Variants in ZBTB20 observed in about 807,000 individuals in gnomAD.
The protein encoded by ZBTB20 is zinc finger and BTB domain containing 20, also known as zinc finger and BTB domain-containing protein 20.
A neutral mutation model predicts 56.9 loss-of-function variants in ZBTB20; 9 were observed. The observed-to-expected ratio is 0.16, with a 90% CI of 0.10 to 0.28. The LOEUF is 0.28. ZBTB20 is among the 10% of genes least tolerant of loss of function. The pLI is 1.00. For missense variants in ZBTB20, 655 were observed against 1,003.0 expected (o/e 0.65, Z 4.69); for synonymous variants, 417 against 420.7 (o/e 0.99, Z 0.11).
intron 5 of ZBTB20, among the ~76,000 whole-genome samples, chr3:114,794,779 A>T (rs1210686600): frequency 6.6e-6 from 1 of 152,160 alleles, no homozygotes; most frequent in Non-Finnish European, 1.5e-5. Flanking sequence ...TACTTAAAAA[A>T]AGCCTGGATT....
chr3:114,669,817 A>G (rs2061265234), intron 6 of ZBTB20, among the ~76,000 whole-genome samples: 1 of 152,008 alleles, frequency 6.6e-6, no homozygotes. Context: ...TTGCAGAACC[A>G]TTTCTGTATG....
intron 5 of ZBTB20, among the ~76,000 whole-genome samples, chr3:114,752,215 C>T (rs1339251009): frequency 6.7e-6 from 1 of 149,380 alleles, no homozygotes; most frequent in African/African-American, 2.5e-5. Flanking sequence ...AAAAGAGGTA[C>T]AAGTCAGGAT....
intron 7 of ZBTB20, among the ~76,000 whole-genome samples, chr3:114,446,779 T>C (rs2109000590): frequency 6.6e-6 from 1 of 152,298 alleles, no homozygotes; most frequent in Non-Finnish European, 1.5e-5. Flanking sequence ...TCTATTTTCC[T>C]GGACTGTATC....
At chr3:114,593,454 G>A (rs1165229044) in intron 6 of ZBTB20, among the ~76,000 whole-genome samples, 3 of 148,266 alleles carry the variant, frequency 2.0e-5, no homozygotes, top group Non-Finnish European at 3.0e-5. Flanking sequence ...GCGTGATCTC[G>A]GCTCACCGCA....
At chr3:114,596,815 C>T (rs2056351430) in intron 6 of ZBTB20, among the ~76,000 whole-genome samples, 1 of 152,150 alleles carries the variant, frequency 6.6e-6, no homozygotes, top group Non-Finnish European at 1.5e-5. Flanking sequence ...AAGCATGTGG[C>T]ATCTCATCTC....
At chr3:114,451,824 CCTCT>C (rs1327899533) in intron 7 of ZBTB20, among the ~76,000 whole-genome samples, 1 of 152,140 alleles carries the variant, frequency 6.6e-6, no homozygotes, top group Non-Finnish European at 1.5e-5. Flanking sequence ...CTTTCCTCCT[CCTCT>C]ATTTTTTTTC....
At position 114,358,252 on chromosome 3, in the gene ZBTB20, T is replaced by C. The variant is rs528749667; in HGVS notation, c.200-6374A>G. Among the ~76,000 whole-genome samples, 6 of 152,312 alleles carry C rather than the reference T, an allele frequency of 3.9e-5. No homozygotes were observed. In the South Asian group the frequency reaches 1.2e-3, roughly 32 times the overall value. Reference sequence around the variant, plus strand: ...ACTGCCTTTCTTTCTATTTTCCTCCTTCCCTTTCTTCCTTTTTGCTGTCAT... The same window carrying C: ...ACTGCCTTTCTTTCTATTTTCCTCCCTCCCTTTCTTCCTTTTTGCTGTCAT... On this transcript the variant is annotated intron_variant, in intron 10 of 11. Transcript: ENST00000675478.
At chr3:115,091,014 C>A (rs1221374090) in intron 1 of ZBTB20, among the ~76,000 whole-genome samples, 2 of 151,798 alleles carry the variant, frequency 1.3e-5, no homozygotes, top group Admixed American at 6.6e-5. Flanking sequence ...CCTCTACCAA[C>A]CTGTGGGTTC....
At chr3:114,837,525 G>A (rs562808136) in intron 4 of ZBTB20, among the ~76,000 whole-genome samples, 3 of 152,192 alleles carry the variant, frequency 2.0e-5, no homozygotes, top group South Asian at 2.1e-4. Flanking sequence ...CTGAATTCTC[G>A]ACTGAAGAGG....
intron 7 of ZBTB20, among the ~76,000 whole-genome samples, chr3:114,468,748 C>T (rs1172399813): frequency 6.6e-6 from 1 of 151,986 alleles, no homozygotes; most frequent in Non-Finnish European, 1.5e-5. Context: ...ATTTTGGAAA[C>T]TTTAACAGGT....
intron 11 of ZBTB20, among the ~76,000 whole-genome samples, chr3:114,342,807 G>C (rs969627547): frequency 6.6e-6 from 1 of 152,274 alleles, no homozygotes; most frequent in South Asian, 2.1e-4. Context: ...CAGATAATCA[G>C]TAAAACAAGT....
intron 7 of ZBTB20, among the ~76,000 whole-genome samples, chr3:114,415,670 C>G (rs1271490264): frequency 6.6e-6 from 1 of 152,074 alleles, no homozygotes; most frequent in Non-Finnish European, 1.5e-5. Context: ...GAGAAAAACT[C>G]TATTTCATAG....
chr3:115,010,007 G>A (rs1261699591), intron 2 of ZBTB20, among the ~76,000 whole-genome samples: 1 of 151,926 alleles, frequency 6.6e-6, no homozygotes, highest in Non-Finnish European at 1.5e-5. Flanking sequence ...ATTCGAAAAG[G>A]TAATTAGCTT....
chr3:114,546,764 G>C (rs1317837470), intron 6 of ZBTB20, among the ~76,000 whole-genome samples: 1 of 151,948 alleles, frequency 6.6e-6, no homozygotes, highest in Non-Finnish European at 1.5e-5. Context: ...ACCTATACAG[G>C]CAAAACTGCA....
At chr3:114,922,910 C>A (rs1180761318) in intron 3 of ZBTB20, among the ~76,000 whole-genome samples, 1 of 152,188 alleles carries the variant, frequency 6.6e-6, no homozygotes, top group African/African-American at 2.4e-5. Flanking sequence ...TGATAGCTAA[C>A]ATTGGGATCA....
At chr3:114,355,787 T>C (rs2081187576) in intron 10 of ZBTB20, among the ~76,000 whole-genome samples, 1 of 151,912 alleles carries the variant, frequency 6.6e-6, no homozygotes, top group Non-Finnish European at 1.5e-5. Flanking sequence ...ATGCTAACTC[T>C]ATTCTTTCTT....
intron 2 of ZBTB20, among the ~76,000 whole-genome samples, chr3:115,021,224 C>T (rs750795842): frequency 8.6e-5 from 13 of 150,818 alleles, no homozygotes; most frequent in Non-Finnish European, 1.6e-4. Context: ...TGCATGAATA[C>T]AAAGAACTTT....
chr3:114,675,111 AATTTT>A (rs1482458460), intron 6 of ZBTB20, among the ~76,000 whole-genome samples: 1 of 149,470 alleles, frequency 6.7e-6, no homozygotes, highest in African/African-American at 2.4e-5. Context: ...TTTAATTTTT[AATTTT>A]ATTTTATTTG....
rs1189196980 is a variant in ZBTB20 at position 114,607,097 on chromosome 3, C to CAAAT, written c.-295+86427_-295+86430dup. Among the ~76,000 whole-genome samples, 469 of 145,966 alleles carry CAAAT rather than the reference C, an allele frequency of 3.2e-3. 1 individual carries two copies. The highest frequency in any genetic ancestry group is 0.02 in the East Asian group (102 of 5,084). On this transcript the variant is annotated intron_variant, in intron 6 of 11. Transcript: ENST00000675478. ...TCAGTGACACAGTGAGACTCAATCT[C>CAAAT]AAATAAATAAATAAATAAATAAATG...
Sources: gnomAD v4.1 joint callset for allele counts (sites outside exome capture counted in the v4.1 genomes callset) on GRCh38, gnomAD v4.1.1 for gene constraint, MANE v1.5 for transcripts, NCBI Gene and HGNC (gene_info 2026-07-23, HGNC 2026-07-21) for gene names.